Variants in DAP observed in about 807,000 individuals in gnomAD.
The protein encoded by DAP is death associated protein, also known as death-associated protein 1.
A neutral mutation model predicts 13.8 loss-of-function variants in DAP; 8 were observed. The ratio of observed to expected loss-of-function variants is 0.58; its 90% CI spans 0.34 to 1.05. The LOEUF is 1.05. Ranked by LOEUF, DAP falls within the 50% of genes least tolerant of loss-of-function variation. The pLI is 0.03. For missense variants in DAP, 106 were observed against 133.2 expected, an observed-to-expected ratio of 0.80 and a Z score of 1.01; for synonymous variants, 47 against 47.5, an observed-to-expected ratio of 0.99 and a Z score of 0.04.
intron 1 of DAP, among the ~76,000 whole-genome samples, chr5:10,755,832 T>C (rs752384174): frequency 2.0e-5 from 3 of 152,212 alleles, no homozygotes; most frequent in Non-Finnish European, 4.4e-5. Flanking sequence ...ACAAAGACGT[T>C]AGAAGTCACA....
chr5:10,697,988 C>T (rs940880502), intron 2 of DAP, among the ~76,000 whole-genome samples: 13 of 152,270 alleles, frequency 8.5e-5, no homozygotes, highest in African/African-American at 2.4e-4. Context: ...GTGAGAACCA[C>T]GCACAGTGTG....
chr5:10,760,837 C>G (rs1740325912), intron 1 of DAP, among the ~76,000 whole-genome samples, 177 bp downstream of exon 1: 1 of 151,872 alleles, frequency 6.6e-6, no homozygotes, highest in Non-Finnish European at 1.5e-5. Flanking sequence ...CCGGCGGGCT[C>G]CTCCCGGGCC....
intron 2 of DAP, among the ~76,000 whole-genome samples, chr5:10,742,733 C>T (rs1739791696): frequency 6.6e-6 from 1 of 152,102 alleles, no homozygotes; most frequent in Non-Finnish European, 1.5e-5. Flanking sequence ...ACTACTTCTC[C>T]AAGGAACCGT....
chr5:10,705,159 T>C (rs927288916), intron 2 of DAP, among the ~76,000 whole-genome samples: 3 of 152,188 alleles, frequency 2.0e-5, no homozygotes, highest in African/African-American at 7.2e-5. Flanking sequence ...CTTTCACCCA[T>C]TTCCTGATGC....
At chr5:10,700,898 T>G (rs1392694193) in intron 2 of DAP, among the ~76,000 whole-genome samples, 1 of 152,236 alleles carries the variant, frequency 6.6e-6, no homozygotes, top group Non-Finnish European at 1.5e-5. Flanking sequence ...CAGAATACAT[T>G]GGCTGACCAG....
At chr5:10,698,335 T>G (rs560521805) in intron 2 of DAP, among the ~76,000 whole-genome samples, 1 of 118,614 alleles carries the variant, frequency 8.4e-6, no homozygotes, top group Admixed American at 8.5e-5. Context: ...GACAGAAAAC[T>G]AAACTCACAA....
At chr5:10,749,668 T>A (rs1010093016) in intron 1 of DAP, among the ~76,000 whole-genome samples, 1 of 151,732 alleles carries the variant, frequency 6.6e-6, no homozygotes, top group Non-Finnish European at 1.5e-5. Context: ...TGGCCCTTAG[T>A]GTGCTACCTG....
At chr5:10,731,257 C>T (rs1037911497) in intron 2 of DAP, among the ~76,000 whole-genome samples, 14 of 150,378 alleles carry the variant, frequency 9.3e-5, no homozygotes, top group Admixed American at 4.6e-4. Context: ...GTACTGAGAG[C>T]CCTGGTGGGG....
At chr5:10,705,847 T>C (rs1370987839) in intron 2 of DAP, among the ~76,000 whole-genome samples, 1 of 152,312 alleles carries the variant, frequency 6.6e-6, no homozygotes, top group Admixed American at 6.5e-5. Flanking sequence ...GTGGGTATGC[T>C]GGACCAGGTG....
chr5:10,686,529 T>C (rs986226174), intron 2 of DAP, among the ~76,000 whole-genome samples: 1 of 152,196 alleles, frequency 6.6e-6, no homozygotes, highest in Non-Finnish European at 1.5e-5. Context: ...AAGAGCATTA[T>C]TGTTGATATG....
At chr5:10,712,449 G>A (rs766256760) in intron 2 of DAP, among the ~76,000 whole-genome samples, 69 of 152,158 alleles carry the variant, frequency 4.5e-4, no homozygotes, top group Non-Finnish European at 1.2e-4. Flanking sequence ...TGGAAGGACC[G>A]GCACAATTCA....
At position 10,707,620 on chromosome 5, in the gene DAP, C is replaced by T. The variant is rs374432015; in HGVS notation, c.153-24049G>A. Among the ~76,000 whole-genome samples the T allele has an allele frequency of 1.9e-4, 27 of 142,260 alleles. No individual in the cohort carries two copies. Among genetic ancestry groups the T allele is most frequent in the African/African-American group, 4.8e-4 (18 of 37,780 alleles). The allele number at this position is 142,260 out of a possible 152,430, so 93.3% of individuals were successfully genotyped here. On this transcript the variant is annotated intron_variant, in intron 2 of 3. Transcript: ENST00000230895. The surrounding 1 kb of genome is among the most constrained non-coding windows in gnomAD (Gnocchi z 4.0). ...ATTTGTGAGCAGTGTGGTGCACAGG[C>T]GGCGTGATGTACAGGTGGTGTGATG...
chr5:10,699,434 G>C (rs1472395940), intron 2 of DAP, among the ~76,000 whole-genome samples: 1 of 152,222 alleles, frequency 6.6e-6, no homozygotes, highest in Admixed American at 6.5e-5. Context: ...CTGAGGTGAA[G>C]ACTGGTCCCA....
chr5:10,759,619 G>A (rs183576861), intron 1 of DAP, among the ~76,000 whole-genome samples: 3 of 152,052 alleles, frequency 2.0e-5, no homozygotes, highest in African/African-American at 7.2e-5. Flanking sequence ...GAGAGCCTCC[G>A]TCACCACTGA....
At chr5:10,757,336 G>A (rs1467970356) in intron 1 of DAP, among the ~76,000 whole-genome samples, 1 of 152,016 alleles carries the variant, frequency 6.6e-6, no homozygotes, top group Admixed American at 6.5e-5. Flanking sequence ...GTCCAGTGGT[G>A]TGATCCTGGC....
intron 2 of DAP, among the ~76,000 whole-genome samples, chr5:10,737,370 A>AAACAAC (rs375025700): frequency 0.04 from 6,052 of 150,732 alleles, 188 homozygotes; most frequent in South Asian, 0.08. Context: ...AACAAAAACA[A>AAACAAC]AACAACAACA....
rs1204841891 is a variant in DAP, at chr5:10,681,279, G to C, written c.196-110C>G. On this transcript the variant is annotated intron_variant, in intron 3 of 3. Coordinates refer to ENST00000230895, the MANE Select transcript of DAP (RefSeq NM_004394.3). ...GCGTCCCTGCGGAAGGATAGCAATTGTGTGTGAGGAAGCCTCAGGCCAGCA... is the reference window on the plus strand; with the variant it reads ...GCGTCCCTGCGGAAGGATAGCAATTCTGTGTGAGGAAGCCTCAGGCCAGCA... 5 of 835,190 alleles carry C rather than the reference G, an allele frequency of 6.0e-6. No individual in the cohort carries two copies. The African/African-American group carries it at 9.1e-5, about 15-fold the overall frequency. 51.7% of individuals were successfully genotyped at this position (835,190 alleles called of 1,614,324 possible).
At chr5:10,683,215 A>G (rs1319293223) in intron 3 of DAP, 7 of 422,704 alleles carry the variant, frequency 1.7e-5, no homozygotes, top group African/African-American at 1.2e-4. Flanking sequence ...CAGCAGCCCT[A>G]TGGACGGCAA....
intron 1 of DAP, among the ~76,000 whole-genome samples, chr5:10,757,837 T>G (rs1207603200): frequency 6.6e-6 from 1 of 152,076 alleles, no homozygotes; most frequent in Non-Finnish European, 1.5e-5. Flanking sequence ...GAAGAGGCCC[T>G]GGGGAAACTC....
Sources: gnomAD v4.1 joint callset for allele counts (sites outside exome capture counted in the v4.1 genomes callset) on GRCh38, gnomAD v4.1.1 for gene constraint, Gnocchi (gnomAD v3.1) non-coding constraint, MANE v1.5 for transcripts, NCBI Gene and HGNC (gene_info 2026-07-23, HGNC 2026-07-21) for gene names.